Variants in ZNF469 observed in about 807,000 individuals in gnomAD.
ZNF469 encodes zinc finger protein 469.
A neutral mutation model predicts 1.0 loss-of-function variants in ZNF469; 1 was observed. The observed-to-expected ratio is 1.00, with a 90% CI of 0.35 to 4.73. The LOEUF is 4.73. Ranked by LOEUF, ZNF469 falls within the 30% of genes most tolerant of loss-of-function variation. The pLI is 0.16. For missense variants in ZNF469, 6,100 were observed against 5,356.3 expected (o/e 1.14, Z -4.33); for synonymous variants, 2,703 against 2,363.4 (o/e 1.14, Z -4.17).
chr16:88,143,789 G>A, the ZNF469 span, among the ~76,000 whole-genome samples: 8 of 152,238 alleles, frequency 5.3e-5, no homozygotes, highest in African/African-American at 1.9e-4. Context: ...CCTCTGATCG[G>A]CCCCTGCCTG....
the ZNF469 span, among the ~76,000 whole-genome samples, chr16:88,350,609 A>G: frequency 1.3e-5 from 2 of 152,234 alleles, no homozygotes; most frequent in Non-Finnish European, 2.9e-5. Context: ...GAATAAGATC[A>G]TGATTCCGGA....
chr16:88,275,629 G>A, the ZNF469 span, among the ~76,000 whole-genome samples: 2 of 152,194 alleles, frequency 1.3e-5, no homozygotes, highest in Non-Finnish European at 1.5e-5. Flanking sequence ...TGGGTACACT[G>A]AGGCACTGAA....
chr16:88,267,814 C>G, the ZNF469 span, among the ~76,000 whole-genome samples: 1 of 152,034 alleles, frequency 6.6e-6, no homozygotes, highest in Admixed American at 6.5e-5. Context: ...GATAATGCAG[C>G]GATGAGTGTC....
chr16:88,168,982 G>T, the ZNF469 span, among the ~76,000 whole-genome samples: 1 of 152,166 alleles, frequency 6.6e-6, no homozygotes, highest in African/African-American at 2.4e-5. The surrounding 1 kb of genome is among the most constrained non-coding windows in gnomAD (Gnocchi z 4.3). Flanking sequence ...GCCTCCTCGT[G>T]TGTGGTAGGG....
At chr16:88,252,564 G>T in the ZNF469 span, among the ~76,000 whole-genome samples, 1 of 152,112 alleles carries the variant, frequency 6.6e-6, no homozygotes, top group African/African-American at 2.4e-5. Flanking sequence ...AGTGTTTGGA[G>T]TTGTTATCTG....
the ZNF469 span, among the ~76,000 whole-genome samples, chr16:88,272,841 G>A: frequency 6.6e-6 from 1 of 150,842 alleles, no homozygotes; most frequent in African/African-American, 2.5e-5. Context: ...TGGGTGTGTG[G>A]ATAGACGAGT....
At chr16:88,333,884 G>A in the ZNF469 span, among the ~76,000 whole-genome samples, 1 of 151,524 alleles carries the variant, frequency 6.6e-6, no homozygotes, top group Non-Finnish European at 1.5e-5. Flanking sequence ...GTGTGTTTGT[G>A]TGTCTGTGTG....
At position 88,434,127 on chromosome 16, in the gene ZNF469, C is replaced by A; in HGVS notation, c.6657C>A (p.Gly2219=). The change falls in exon 3 of 3, where the codon GGC becomes GGA. Residue 2219 remains glycine, a synonymous_variant. Transcript: ENST00000565624. The part of the protein sequence containing the change: ...ALAGCLLQGE[G]SPLEDPSSWP... Reference sequence around the variant, plus strand: ...CTGGTTGCCTTCTCCAGGGGGAGGGCAGCCCCCTGGAAGACCCTTCCTCCT... The same window carrying A: ...CTGGTTGCCTTCTCCAGGGGGAGGGAAGCCCCCTGGAAGACCCTTCCTCCT... 1 of 1,550,326 alleles carries A rather than the reference C, an allele frequency of 6.5e-7. No homozygotes were observed.
the ZNF469 span, among the ~76,000 whole-genome samples, chr16:88,291,211 C>G: frequency 6.6e-6 from 1 of 152,190 alleles, no homozygotes; most frequent in South Asian, 2.1e-4. Context: ...TCCAGAAGCA[C>G]CAGTGGGCAG....
the ZNF469 span, among the ~76,000 whole-genome samples, chr16:88,302,910 C>T: frequency 1.3e-5 from 2 of 152,220 alleles, no homozygotes; most frequent in African/African-American, 4.8e-5. Context: ...AAAGGGGAGG[C>T]TTGGCAATCC....
the ZNF469 span, chr16:88,178,485 G>C: frequency 2.6e-5 from 4 of 152,344 alleles, no homozygotes; most frequent in Middle Eastern, 3.4e-3. Flanking sequence ...CCCATCCCGA[G>C]AGCACTGACG....
At chr16:88,249,255 TCTCAGGCTGTTG>T in the ZNF469 span, among the ~76,000 whole-genome samples, 1 of 147,486 alleles carries the variant, frequency 6.8e-6, no homozygotes, top group Non-Finnish European at 1.5e-5. Context: ...AGAAATGGGG[TCTCAGGCTGTTG>T]CTCAGGCTGG....
At chr16:88,359,345 C>T in the ZNF469 span, among the ~76,000 whole-genome samples, 3 of 143,834 alleles carry the variant, frequency 2.1e-5, no homozygotes, top group Admixed American at 6.9e-5. Flanking sequence ...TGCTTCTGAG[C>T]GTCCCGGGGG....
the ZNF469 span, among the ~76,000 whole-genome samples, chr16:88,202,075 C>T: frequency 3.3e-5 from 5 of 152,312 alleles, no homozygotes; most frequent in East Asian, 7.7e-4. Flanking sequence ...CATGTTTCCA[C>T]AGCCACCCCA....
rs1350866522 is a variant in ZNF469, at chr16:88,430,515, C to T, written c.3045C>T (p.Ala1015=). The T allele has an allele frequency of 2.8e-6, 4 of 1,430,014 alleles. No homozygotes were observed. The highest frequency in any genetic ancestry group is 3.6e-6 in the Non-Finnish European group (4 of 1,101,734). The allele number at this position is 1,430,014 out of a possible 1,614,324, so 88.6% of individuals were successfully genotyped here. A position where few individuals can be genotyped will look rare whatever the true frequency, so the allele number is the denominator to read the frequency against. Residue 1015 remains alanine (A), a synonymous_variant, in exon 3 of 3, where the codon GCC becomes GCT. Coordinates refer to ENST00000565624, the MANE Select transcript of ZNF469 (RefSeq NM_001367624.2). The part of the protein sequence containing the change: ...RADPAPRVPR[A]AALPEETRSS... ...ACCCCGCGCCCCGGGTCCCGAGAGC[C>T]GCCGCCCTCCCCGAGGAGACCCGCA...
chr16:88,408,989 G>C (rs1260058182), intron 1 of ZNF469, among the ~76,000 whole-genome samples: 1 of 152,254 alleles, frequency 6.6e-6, no homozygotes, highest in East Asian at 1.9e-4. Context: ...GCTGGGGCTT[G>C]TGTGGGCTGA....
chr16:88,183,192 C>A, the ZNF469 span, among the ~76,000 whole-genome samples: 4 of 152,216 alleles, frequency 2.6e-5, no homozygotes, highest in African/African-American at 9.6e-5. Flanking sequence ...GAAAATGCCG[C>A]GCGCCTGGAG....
At chr16:88,281,336 C>T in the ZNF469 span, among the ~76,000 whole-genome samples, 26 of 147,358 alleles carry the variant, frequency 1.8e-4, no homozygotes, top group Admixed American at 5.4e-4. Context: ...TGTCGGTGCA[C>T]AGGTTAGTGC....
chr16:88,435,549 T>C lies in ZNF469; in HGVS notation c.8079T>C (p.Pro2693=). 9.7e-6 allele frequency: 15 copies of C among 1,549,712 alleles called. No homozygotes were observed. Among genetic ancestry groups the C allele is most frequent in the African/African-American group, 1.4e-5 (1 of 73,152 alleles). Residue 2693 remains proline (P), a synonymous_variant, in exon 3 of 3, where the codon CCT becomes CCC. Coordinates refer to ENST00000565624, the MANE Select transcript of ZNF469 (RefSeq NM_001367624.2). ...CTGAGGCTGACGGGGAGCAGCCGCC[T>C]CGCTTGGCCACTCTGGGACCTGGGG... ...GGPEADGEQP[P]RLATLGPGVM...
Sources: gnomAD v4.1 joint callset for allele counts (sites outside exome capture counted in the v4.1 genomes callset) on GRCh38, gnomAD v4.1.1 for gene constraint, Gnocchi (gnomAD v3.1) non-coding constraint, MANE v1.5 for transcripts, NCBI Gene and HGNC (gene_info 2026-07-23, HGNC 2026-07-21) for gene names.